Variants in TLE4 observed in about 807,000 individuals in gnomAD.
The protein encoded by TLE4 is transducin-like enhancer protein 4.
In TLE4, 8 loss-of-function variants were observed where a neutral mutation model predicts 92.8. The ratio of observed to expected loss-of-function variants is 0.09; its 90% CI spans 0.05 to 0.16. The LOEUF (loss-of-function observed/expected upper bound fraction) is 0.16. Ranked by LOEUF, TLE4 falls within the 10% of genes least tolerant of loss-of-function variation. The pLI, the probability that TLE4 is intolerant of heterozygous loss-of-function variation, is 1.00. For synonymous variants in TLE4, 371 were observed against 374.1 expected, an observed-to-expected ratio of 0.99 and a Z score of 0.10; for missense variants, 675 against 997.6, an observed-to-expected ratio of 0.68 and a Z score of 4.36.
intron 6 of TLE4, among the ~76,000 whole-genome samples, 162 bp from the exon 7 acceptor site, chr9:79,652,431 C>T (rs1324594091): frequency 3.3e-5 from 5 of 152,176 alleles, no homozygotes; most frequent in Non-Finnish European, 7.4e-5. Context: ...TCGTGATCCG[C>T]CTGCCTCGGC....
At chr9:79,671,107 T>C in intron 8 of TLE4, 3 of 309,514 alleles carry the variant, frequency 9.7e-6, no homozygotes, top group South Asian at 7.8e-5. Flanking sequence ...TGGTTGAGAA[T>C]TAACTTTAGC....
chr9:79,589,534 C>T (rs2042025315), intron 4 of TLE4, among the ~76,000 whole-genome samples: 1 of 152,054 alleles, frequency 6.6e-6, no homozygotes, highest in African/African-American at 2.4e-5. Flanking sequence ...TGTGGTGCTA[C>T]TACTGCGCAA....
intron 4 of TLE4, among the ~76,000 whole-genome samples, chr9:79,583,677 G>A (rs1019091331): frequency 2.6e-5 from 4 of 151,670 alleles, no homozygotes; most frequent in Admixed American, 6.6e-5. Flanking sequence ...CCTTATTTTC[G>A]AACTATGTAT....
chr9:79,602,851 C>T (rs949889513), intron 4 of TLE4, among the ~76,000 whole-genome samples: 1 of 152,010 alleles, frequency 6.6e-6, no homozygotes, highest in Non-Finnish European at 1.5e-5. Flanking sequence ...AAATTGAAAA[C>T]CTTCTGGAAA....
chr9:79,679,575 A>G (rs915921248), intron 8 of TLE4, among the ~76,000 whole-genome samples: 1 of 151,802 alleles, frequency 6.6e-6, no homozygotes, highest in African/African-American at 2.4e-5. Context: ...TTGCCTGTTC[A>G]CTCTGATGGT....
chr9:79,717,459 A>G (rs1024829990), intron 14 of TLE4, among the ~76,000 whole-genome samples: 3 of 152,002 alleles, frequency 2.0e-5, no homozygotes, highest in African/African-American at 4.8e-5. Flanking sequence ...CTCACATACT[A>G]TGTTCTTCTA....
intron 8 of TLE4, among the ~76,000 whole-genome samples, chr9:79,672,103 A>G (rs2062493346): frequency 1.4e-5 from 2 of 139,318 alleles, no homozygotes; most frequent in Admixed American, 1.6e-4. Context: ...CAGAGCTACA[A>G]TGTCAAGGAG....
chr9:79,718,680 T>G (rs960279814), intron 14 of TLE4, 42 bp from the exon 15 acceptor site: 19 of 1,577,790 alleles, frequency 1.2e-5, no homozygotes, highest in Non-Finnish European at 1.6e-5. Context: ...AGTGACATTT[T>G]TTTACATTCC....
At chr9:79,580,371 A>C (rs750378704) in intron 4 of TLE4, 3 of 152,212 alleles carry the variant, frequency 2.0e-5, no homozygotes, top group Non-Finnish European at 2.9e-5. Flanking sequence ...GTTGTTAATT[A>C]GGTTGGTGTT....
intron 16 of TLE4, 21 bp from the exon 17 acceptor site, chr9:79,721,720 C>G: frequency 6.2e-7 from 1 of 1,613,640 alleles, no homozygotes; most frequent in Non-Finnish European, 8.5e-7. Context: ...AAGGGCTTTC[C>G]CTCCATTTTG....
At chr9:79,627,739 G>GA in intron 6 of TLE4, 1 of 341,564 alleles carries the variant, frequency 2.9e-6, no homozygotes, top group Non-Finnish European at 5.3e-6. Flanking sequence ...GCTAACCTAG[G>GA]CCAAAAAAAA....
chr9:79,632,514 C>G (rs2054572607), intron 6 of TLE4, among the ~76,000 whole-genome samples: 1 of 152,158 alleles, frequency 6.6e-6, no homozygotes, highest in South Asian at 2.1e-4. Flanking sequence ...CCTCAAGCTA[C>G]TTAAGGGGGC....
In TLE4 at chr9:79,681,831, CATGT is replaced by C. The variant is rs1341435358; in HGVS notation, c.610-22951_610-22948del. Among the ~76,000 whole-genome samples the C allele has an allele frequency of 1.5e-3, 104 of 68,152 alleles. 1 individual carries two copies. Among genetic ancestry groups the C allele is most frequent in the Admixed American group, 4.8e-3 (30 of 6,206 alleles). The allele number at this position is 68,152 out of a possible 152,430, so 44.7% of individuals were successfully genotyped here. On this transcript the variant is annotated intron_variant, in intron 8 of 19. Coordinates refer to ENST00000376552, the MANE Select transcript of TLE4 (RefSeq NM_007005.6). ...GAGAGAGAGAGAGAGAGAGTGTGTG[CATGT>C]GTGTGTGTGTGTGTGTGTGTGTGTG... is the stretch of plus-strand genomic sequence containing the variant.
chr9:79,698,744 C>T (rs1368521462), intron 8 of TLE4, among the ~76,000 whole-genome samples: 1 of 151,872 alleles, frequency 6.6e-6, no homozygotes, highest in Admixed American at 6.6e-5. Flanking sequence ...ATTTTAAGTT[C>T]ATTTACATAA....
intron 6 of TLE4, among the ~76,000 whole-genome samples, chr9:79,638,400 G>C (rs1237186338): frequency 6.6e-6 from 1 of 152,060 alleles, no homozygotes; most frequent in Non-Finnish European, 1.5e-5. Flanking sequence ...GAGTAATATT[G>C]CAAACTTAAA....
At chr9:79,577,175 T>C (rs557487837) in intron 4 of TLE4, among the ~76,000 whole-genome samples, 1 of 152,284 alleles carries the variant, frequency 6.6e-6, no homozygotes, top group South Asian at 2.1e-4. Flanking sequence ...TGGATGTCAT[T>C]ACTTTCTAAG....
intron 8 of TLE4, among the ~76,000 whole-genome samples, chr9:79,695,735 G>T (rs1362490828): frequency 6.6e-6 from 1 of 152,208 alleles, no homozygotes; most frequent in Non-Finnish European, 1.5e-5. Context: ...GGAGCTCCTT[G>T]GATAGCATTA....
In TLE4 at chr9:79,726,050, C is replaced by G. The variant is rs1044357560; in HGVS notation, c.*906C>G. 3 of 152,550 alleles carry G rather than the reference C, an allele frequency of 2.0e-5. No individual in the cohort carries two copies. The highest frequency in any genetic ancestry group is 7.2e-5 in the African/African-American group (3 of 41,428). 9.4% of individuals were successfully genotyped at this position (152,550 alleles called of 1,614,324 possible). ...ATTATGGGTTATTTTGTGGCATGCT[C>G]TTTGGGAGCTGCACAGTTATGGGGA... On this transcript the variant is annotated 3_prime_UTR_variant, in exon 20 of 20. Coordinates refer to ENST00000376552, the MANE Select transcript of TLE4 (RefSeq NM_007005.6).
chr9:79,706,775 C>T lies in TLE4; in HGVS notation c.812C>T (p.Ala271Val). ...EDPSSPRGSP[A>V]HSPRENGLDK... ...CCATCTTCCCCTCGAGGGAGCCCAG[C>T]ACATTCCCCCAGAGAGAATGGCCTA... The change falls in exon 11 of 20, where the codon GCA (alanine) becomes GTA (valine). Residue 271 changes from alanine (A) to valine (V), a missense_variant. Transcript: ENST00000376552. 6.2e-7 allele frequency: 1 copy of T among 1,614,078 alleles called. No individual in the cohort carries two copies. The highest frequency in any genetic ancestry group is 8.5e-7 in the Non-Finnish European group (1 of 1,179,978).
Sources: gnomAD v4.1 joint callset for allele counts (sites outside exome capture counted in the v4.1 genomes callset) on GRCh38, gnomAD v4.1.1 for gene constraint, MANE v1.5 for transcripts, NCBI Gene and HGNC (gene_info 2026-07-23, HGNC 2026-07-21) for gene names.